Variants in ST8SIA2 observed in about 807,000 individuals in gnomAD.
ST8SIA2 encodes the protein alpha-2,8-sialyltransferase 8B.
Under a neutral mutation model 37.6 loss-of-function variants are expected in ST8SIA2, and 22 were observed. That is an observed-to-expected ratio of 0.58 (90% CI 0.42 to 0.83). The LOEUF is 0.83. ST8SIA2 is among the 40% of genes least tolerant of loss of function. ST8SIA2 has a pLI of 0.00. For missense variants in ST8SIA2, 382 were observed against 484.7 expected, an observed-to-expected ratio of 0.79 and a Z score of 1.99; for synonymous variants, 205 against 201.2, an observed-to-expected ratio of 1.02 and a Z score of -0.16.
chr15:92,464,072 CT>C (rs34156050), intron 5 of ST8SIA2, 27 bp from the exon 6 acceptor site: 144,349 of 1,248,142 alleles, frequency 0.12, 471 homozygotes, highest in East Asian at 0.23. Context: ...TGTTTCTTTT[CT>C]TTTTTTTTTT....
At chr15:92,431,644 C>T (rs2049716494) in intron 2 of ST8SIA2, among the ~76,000 whole-genome samples, 2 of 152,240 alleles carry the variant, frequency 1.3e-5, no homozygotes, top group African/African-American at 4.8e-5. Context: ...AACAGGAGAA[C>T]ACATTCATTG....
chr15:92,437,364 A>G (rs775422204), intron 3 of ST8SIA2, among the ~76,000 whole-genome samples: 2 of 152,234 alleles, frequency 1.3e-5, no homozygotes, highest in Non-Finnish European at 2.9e-5. Context: ...TGTTTCAGGT[A>G]AAGCTTTTCT....
intron 5 of ST8SIA2, among the ~76,000 whole-genome samples, chr15:92,459,424 C>A (rs116104073): frequency 0.015 from 2,246 of 152,216 alleles, 72 homozygotes; most frequent in African/African-American, 0.052. Flanking sequence ...TGTGTTTTAT[C>A]CAAACTCTGT....
intron 5 of ST8SIA2, among the ~76,000 whole-genome samples, chr15:92,446,589 GAATAA>G (rs1343890543): frequency 6.6e-6 from 1 of 152,192 alleles, no homozygotes; most frequent in Non-Finnish European, 1.5e-5. Flanking sequence ...ACACAGTAGT[GAATAA>G]AATAAAGATC....
rs1596234678 is a variant in ST8SIA2 at position 92,418,457 on chromosome 15, T to G, written c.99-11592T>G. On this transcript the variant is annotated intron_variant, in intron 1 of 5. Coordinates refer to ENST00000268164, the MANE Select transcript of ST8SIA2 (RefSeq NM_006011.4). ...AGTCTGGGCGACAGGAGTGAGACCCTCCCTCAAAAAAAAAAAAAAAAAAAA... is the reference window on the plus strand; with the variant it reads ...AGTCTGGGCGACAGGAGTGAGACCCGCCCTCAAAAAAAAAAAAAAAAAAAA... 3.6e-5 allele frequency among the ~76,000 whole-genome samples: 3 copies of G among 82,958 alleles called. No individual in the cohort carries two copies. The South Asian group carries it at 1.4e-3, about 38-fold the overall frequency. 54.4% of individuals were successfully genotyped at this position (82,958 alleles called of 152,430 possible).
chr15:92,447,631 G>A (rs545199577), intron 5 of ST8SIA2, among the ~76,000 whole-genome samples: 3 of 152,306 alleles, frequency 2.0e-5, no homozygotes, highest in East Asian at 1.9e-4. Context: ...TTGTCCTCAT[G>A]GTGACTGTGG....
chr15:92,446,281 C>G (rs2049842306), intron 5 of ST8SIA2, among the ~76,000 whole-genome samples: 1 of 152,180 alleles, frequency 6.6e-6, no homozygotes, highest in East Asian at 1.9e-4. Context: ...GGCTTCCTCA[C>G]AGCATAGTAG....
intron 1 of ST8SIA2, among the ~76,000 whole-genome samples, chr15:92,399,650 A>C (rs577581147): frequency 4.4e-4 from 67 of 152,292 alleles, no homozygotes; most frequent in African/African-American, 1.5e-3. Context: ...ACTTCACTGA[A>C]GTATAAGCAT....
At chr15:92,412,712 C>T (rs2049558578) in intron 1 of ST8SIA2, among the ~76,000 whole-genome samples, 1 of 152,168 alleles carries the variant, frequency 6.6e-6, no homozygotes, top group East Asian at 1.9e-4. Flanking sequence ...GGCTGGAGTG[C>T]AGTGGTGCGA....
intron 1 of ST8SIA2, among the ~76,000 whole-genome samples, chr15:92,407,208 T>TA (rs1473758538): frequency 1.3e-5 from 2 of 152,092 alleles, no homozygotes; most frequent in African/African-American, 4.8e-5. Flanking sequence ...AAAAAGAACT[T>TA]AAACTGTGTG....
At chr15:92,396,533 G>A (rs1358704217) in intron 1 of ST8SIA2, among the ~76,000 whole-genome samples, 4 of 149,104 alleles carry the variant, frequency 2.7e-5, no homozygotes, top group African/African-American at 5.0e-5. Context: ...TCATTCTGTC[G>A]CCCAGGATGG....
intron 5 of ST8SIA2, among the ~76,000 whole-genome samples, chr15:92,447,504 G>A (rs1256605894): frequency 6.6e-6 from 1 of 152,156 alleles, no homozygotes; most frequent in East Asian, 1.9e-4. Flanking sequence ...AGGGATGTGA[G>A]GGAGCCCAGT....
chr15:92,406,507 C>T (rs542993982), intron 1 of ST8SIA2, among the ~76,000 whole-genome samples: 33 of 152,342 alleles, frequency 2.2e-4, no homozygotes, highest in Admixed American at 2.0e-4. Context: ...AATCTGAATC[C>T]GCTCAGTAAC....
chr15:92,394,162 G>A lies in ST8SIA2; in HGVS notation c.98G>A (p.Gly33Glu), dbSNP rs1426894621. Reference sequence around the variant, plus strand: ...ATCTCAGAGATCGAAGAAGAAATCGGGTAAATAGCTGCTCCCAGGCCCGTG... The same window carrying A: ...ATCTCAGAGATCGAAGAAGAAATCGAGTAAATAGCTGCTCCCAGGCCCGTG... ...ADISEIEEEI[G>E]NSGGRGTIRS... The change falls in exon 1 of 6, where the codon GGG (glycine) becomes GAG (glutamate). Residue 33 changes from glycine (G) to glutamate (E), a missense_variant and splice_region_variant. Gly to Glu is a moderately conservative substitution (Grantham distance 98). Transcript: ENST00000268164. 1.9e-6 allele frequency: 3 copies of A among 1,554,344 alleles called. No individual in the cohort carries two copies. The highest frequency in any genetic ancestry group is 2.7e-5 in the African/African-American group (2 of 73,414).
At chr15:92,409,779 G>T (rs987570887) in intron 1 of ST8SIA2, among the ~76,000 whole-genome samples, 3 of 152,214 alleles carry the variant, frequency 2.0e-5, no homozygotes, top group African/African-American at 7.2e-5. Flanking sequence ...CGTCAGGACG[G>T]TTTCCTGGTA....
intron 5 of ST8SIA2, among the ~76,000 whole-genome samples, chr15:92,453,030 C>A (rs1448344951): frequency 6.6e-6 from 1 of 152,070 alleles, no homozygotes; most frequent in African/African-American, 2.4e-5. Context: ...TTCTGCCTAT[C>A]TGAGGCAGTG....
chr15:92,405,332 AG>A (rs2049500084), intron 1 of ST8SIA2, among the ~76,000 whole-genome samples: 3 of 152,340 alleles, frequency 2.0e-5, no homozygotes, highest in African/African-American at 7.2e-5. Context: ...GGGAAGGAGA[AG>A]GGGAATTTGT....
At chr15:92,399,002 A>G (rs1187392919) in intron 1 of ST8SIA2, among the ~76,000 whole-genome samples, 1 of 152,144 alleles carries the variant, frequency 6.6e-6, no homozygotes, top group African/African-American at 2.4e-5. Flanking sequence ...CATCTCCCCA[A>G]AATGTCCCTC....
At chr15:92,405,663 G>C (rs2049503353) in intron 1 of ST8SIA2, among the ~76,000 whole-genome samples, 1 of 152,192 alleles carries the variant, frequency 6.6e-6, no homozygotes, top group African/African-American at 2.4e-5. Flanking sequence ...AGATACAGGG[G>C]AAATGGAGGG....
Sources: allele counts gnomAD v4.1 joint callset (sites outside exome capture counted in the v4.1 genomes callset), GRCh38; gene constraint gnomAD v4.1.1; transcripts MANE v1.5; gene names NCBI Gene and HGNC (gene_info 2026-07-23, HGNC 2026-07-21).